The following HEATR5B variants were observed in gnomAD, a reference collection of about 807,000 sequenced individuals.
HEATR5B encodes the protein HEAT repeat-containing protein 5B.
In HEATR5B, 156 loss-of-function variants were observed where a neutral mutation model predicts 224.1. The observed-to-expected ratio is 0.70, with a 90% CI of 0.61 to 0.80. The LOEUF (loss-of-function observed/expected upper bound fraction) is 0.80, where lower values mean the gene tolerates loss of function less well. HEATR5B is among the 30% of genes least tolerant of loss of function. The pLI, the probability that HEATR5B is intolerant of heterozygous loss-of-function variation, is 0.00. For missense variants in HEATR5B, 2,323 were observed against 2,535.5 expected (o/e 0.92, Z 1.80); for synonymous variants, 1,027 against 893.0 (o/e 1.15, Z -2.68).
At chr2:37,066,380 C>T (rs1213575290) in intron 8 of HEATR5B, among the ~76,000 whole-genome samples, 1 of 152,184 alleles carries the variant, frequency 6.6e-6, no homozygotes, top group Non-Finnish European at 1.5e-5. Context: ...TAACACAATG[C>T]TGCCCATAAT....
chr2:37,003,255 G>A (rs1257627665), intron 31 of HEATR5B, among the ~76,000 whole-genome samples: 2 of 68,508 alleles, frequency 2.9e-5, no homozygotes, highest in African/African-American at 7.7e-5. Flanking sequence ...AGACTGTCCC[G>A]CCCGCAAAAA....
At chr2:37,033,412 G>C (rs1481252642) in intron 21 of HEATR5B, among the ~76,000 whole-genome samples, 2 of 152,062 alleles carry the variant, frequency 1.3e-5, no homozygotes, top group Non-Finnish European at 2.9e-5. Flanking sequence ...TTTACACATG[G>C]TCCTATTCAA....
intron 22 of HEATR5B, 54 bp from the exon 23 acceptor site, chr2:37,028,974 G>C: frequency 1.3e-6 from 2 of 1,559,110 alleles, no homozygotes; most frequent in Non-Finnish European, 8.8e-7. Context: ...GTACGCTATA[G>C]GTAACAATTA....
chr2:37,065,982 T>G, intron 8 of HEATR5B, 72 bp from the exon 9 acceptor site: 1 of 1,403,336 alleles, frequency 7.1e-7, no homozygotes, highest in Non-Finnish European at 9.8e-7. Flanking sequence ...TCTATACAAT[T>G]TATGATTTTA....
Position 37,075,517 on chromosome 2 carries a change from TATCA to T in HEATR5B, c.561_564del (p.Asp188GlyfsTer14). 1 of 1,613,860 alleles carries T rather than the reference TATCA, an allele frequency of 6.2e-7. No individual in the cohort carries two copies. Among genetic ancestry groups the T allele is most frequent in the Non-Finnish European group, 8.5e-7 (1 of 1,179,804 alleles). On this transcript the variant is annotated frameshift_variant, in exon 5 of 36. Coordinates refer to ENST00000233099, the MANE Select transcript of HEATR5B (RefSeq NM_019024.3). LOFTEE classifies it high-confidence loss of function. ...ACTGCACATCGAACAGCCATTGACCTATCAGTCAAGAGAGACCTGGCATTCTTGT... is the reference window on the plus strand; with the variant it reads ...ACTGCACATCGAACAGCCATTGACCTGTCAAGAGAGACCTGGCATTCTTGT...
In HEATR5B at chr2:37,007,191, A is replaced by G; in HGVS notation, c.4636T>C (p.Cys1546Arg). 1 of 1,614,126 alleles carries G rather than the reference A, an allele frequency of 6.2e-7. No homozygotes were observed. The highest frequency in any genetic ancestry group is 8.5e-7 in the Non-Finnish European group (1 of 1,180,026). ...ALWLNSTGFTCSESTEAAAIS... is the reference protein window; with the variant it reads ...ALWLNSTGFTRSESTEAAAIS... ...GCTGCTGCTTCTGTAGACTCTGAGC[A>G]CGTAAATCCTGTGCTATTTAACCAA... Residue 1546 changes from cysteine (C) to arginine (R), a missense_variant, in exon 29 of 36, where the codon TGC (cysteine) becomes CGC (arginine). By Grantham distance (180) the Cys-to-Arg change is radical (BLOSUM62 -3). Coordinates refer to ENST00000233099, the MANE Select transcript of HEATR5B (RefSeq NM_019024.3).
At chr2:37,007,753 C>T (rs367633512) in intron 28 of HEATR5B, among the ~76,000 whole-genome samples, 6 of 152,198 alleles carry the variant, frequency 3.9e-5, no homozygotes, top group Non-Finnish European at 7.3e-5. Flanking sequence ...CCAAAAGTAA[C>T]CCCTTTTCTG....
At chr2:37,013,511 C>T (rs1482973734) in intron 27 of HEATR5B, among the ~76,000 whole-genome samples, 1 of 152,050 alleles carries the variant, frequency 6.6e-6, no homozygotes, top group Non-Finnish European at 1.5e-5. Flanking sequence ...AAAGCAAGAC[C>T]CTACCTTTAA....
intron 3 of HEATR5B, 106 bp downstream of exon 3, chr2:37,079,014 C>T (rs980514551): frequency 4.1e-5 from 26 of 633,502 alleles, no homozygotes; most frequent in African/African-American, 1.7e-4. Flanking sequence ...AGCAGCATGT[C>T]GCAGGTTCCA....
intron 20 of HEATR5B, among the ~76,000 whole-genome samples, chr2:37,038,923 T>C (rs1368272719): frequency 8.9e-5 from 11 of 123,422 alleles, no homozygotes; most frequent in African/African-American, 1.6e-4. Context: ...GGGTGGGGAA[T>C]CACATATTTT....
At chr2:37,067,156 G>A (rs115563330) in intron 8 of HEATR5B, among the ~76,000 whole-genome samples, 5,235 of 152,206 alleles carry the variant, frequency 0.034, 124 homozygotes, top group Non-Finnish European at 0.052. Context: ...TTACAGGCAT[G>A]AGCTACCATG....
chr2:37,067,102 G>A (rs926645718), intron 8 of HEATR5B, among the ~76,000 whole-genome samples: 1 of 152,080 alleles, frequency 6.6e-6, no homozygotes, highest in African/African-American at 2.4e-5. Flanking sequence ...AAGAACTCCT[G>A]GCCTCAAGTG....
intron 35 of HEATR5B, among the ~76,000 whole-genome samples, chr2:36,982,903 C>CACACACACACACACAT (rs1665680534): frequency 1.3e-5 from 2 of 151,398 alleles, no homozygotes; most frequent in East Asian, 3.9e-4. Flanking sequence ...CACACACACA[C>CACACACACACACACAT]ACACACACGT....
chr2:37,024,470 C>T (rs1045136345), intron 24 of HEATR5B, among the ~76,000 whole-genome samples: 5 of 152,118 alleles, frequency 3.3e-5, no homozygotes, highest in Admixed American at 1.3e-4. Flanking sequence ...ACAATGTATG[C>T]ATACTTCAAA....
chr2:37,061,878 T>C, intron 11 of HEATR5B, 61 bp downstream of exon 11: 1 of 910,538 alleles, frequency 1.1e-6, no homozygotes, highest in Non-Finnish European at 1.7e-6. Flanking sequence ...TAAATTAAAT[T>C]TGCTTTACAG....
chr2:37,000,534 C>T, intron 33 of HEATR5B, 52 bp downstream of exon 33: 1 of 1,402,104 alleles, frequency 7.1e-7, no homozygotes, highest in Non-Finnish European at 1.0e-6. Flanking sequence ...TAATTCATTA[C>T]TTAGGGAACA....
At chr2:37,041,453 T>C (rs1219970895) in intron 18 of HEATR5B, among the ~76,000 whole-genome samples, 161 bp from the exon 19 acceptor site, 1 of 152,178 alleles carries the variant, frequency 6.6e-6, no homozygotes, top group Non-Finnish European at 1.5e-5. Flanking sequence ...AACTTCAATT[T>C]AAAATAACTA....
chr2:37,041,076 A>G, intron 19 of HEATR5B, 57 bp downstream of exon 19: 7 of 1,438,020 alleles, frequency 4.9e-6, no homozygotes, highest in Non-Finnish European at 6.7e-6. Context: ...CATAGAGCAA[A>G]TAATTTTCCA....
rs369183745 is a variant in HEATR5B, at chr2:36,981,671, T to C, written c.6035A>G (p.His2012Arg). The C allele has an allele frequency of 6.2e-5, 100 of 1,614,154 alleles. 1 individual carries two copies. The highest frequency in any genetic ancestry group is 2.5e-4 in the Admixed American group (15 of 59,996). Reference sequence around the variant, plus strand: ...AGCATGTGGATACAGAGGTCCAATATGCATTAAATTCTGGAGTGCAAACTC... The same window carrying C: ...AGCATGTGGATACAGAGGTCCAATACGCATTAAATTCTGGAGTGCAAACTC... ...LHEFALQNLM[H>R]IGPLYPHAFK... is the part of the protein sequence containing the mutation. Residue 2012 changes from histidine to arginine, a missense_variant, in exon 36 of 36, where the codon CAT (histidine) becomes CGT (arginine). This residue lies in a region of HEATR5B where 844 missense variants were observed against 812.9 expected (regional missense o/e 1.04). Coordinates refer to ENST00000233099, the MANE Select transcript of HEATR5B (RefSeq NM_019024.3).
Sources: gnomAD v4.1 joint callset for allele counts (sites outside exome capture counted in the v4.1 genomes callset) on GRCh38, gnomAD v4.1.1 for gene constraint, gnomAD v4.1.1 regional missense constraint, MANE v1.5 for transcripts, NCBI Gene and HGNC (gene_info 2026-07-23, HGNC 2026-07-21) for gene names.